Variants in GIMD1 observed in about 807,000 individuals in gnomAD.
GIMD1 encodes the protein GIMAP family P-loop NTPase domain containing 1, also known as GTPase IMAP family member GIMD1.
Under a neutral mutation model 14.9 loss-of-function variants are expected in GIMD1, and 14 were observed. The ratio of observed to expected loss-of-function variants is 0.94; its 90% CI spans 0.62 to 1.47. The LOEUF (loss-of-function observed/expected upper bound fraction) is 1.47, where lower values mean the gene tolerates loss of function less well. Among genes scored for constraint, GIMD1 ranks in the 40% most tolerant of loss-of-function variants. The probability of loss-of-function intolerance (pLI) is 0.00; values close to 1 mark genes in which losing one functional copy is unlikely to be tolerated. For synonymous variants in GIMD1, 91 were observed against 90.5 expected (o/e 1.01, Z -0.03); for missense variants, 272 against 255.3 (o/e 1.07, Z -0.44).
intron 2 of GIMD1, among the ~76,000 whole-genome samples, chr4:106,365,634 G>A (rs1770685988): frequency 6.6e-6 from 1 of 152,038 alleles, no homozygotes; most frequent in African/African-American, 2.4e-5. Flanking sequence ...AAGTTTAACT[G>A]TGGAGCTTCT....
At chr4:106,368,016 T>C (rs1430542419) in intron 1 of GIMD1, among the ~76,000 whole-genome samples, 1 of 152,192 alleles carries the variant, frequency 6.6e-6, no homozygotes, top group Non-Finnish European at 1.5e-5. Flanking sequence ...ATATGAATAA[T>C]GTTAAAGAAG....
At chr4:106,364,785 G>C (rs1220692341) in intron 2 of GIMD1, among the ~76,000 whole-genome samples, 1 of 152,122 alleles carries the variant, frequency 6.6e-6, no homozygotes, top group South Asian at 2.1e-4. Context: ...TGATTTGGAA[G>C]GCATCTGTAA....
intron 2 of GIMD1, among the ~76,000 whole-genome samples, chr4:106,363,887 G>GA (rs1280771083): frequency 7.1e-6 from 1 of 141,134 alleles, no homozygotes; most frequent in Non-Finnish European, 1.5e-5. Flanking sequence ...CCATAATGGG[G>GA]GGGGGGGGGC....
intron 2 of GIMD1, among the ~76,000 whole-genome samples, chr4:106,363,498 C>T (rs1333918360): frequency 6.6e-6 from 1 of 152,032 alleles, no homozygotes; most frequent in Non-Finnish European, 1.5e-5. Context: ...ACAATAAAAA[C>T]AACAATACTA....
In GIMD1 at chr4:106,366,486, C is replaced by T. The variant is rs551330374; in HGVS notation, c.393+557G>A. ...CAAGTCAGTGAATGAGCACCCATTT[C>T]CTGGTGAACTATAAGAGATTGTCCC... On this transcript the variant is annotated intron_variant, in intron 2 of 2. Coordinates refer to ENST00000638719, the MANE Select transcript of GIMD1 (RefSeq NM_001195138.2). Among the ~76,000 whole-genome samples the T allele has an allele frequency of 1.1e-3, 169 of 152,218 alleles. 5 individuals carry two copies. In the South Asian group the frequency reaches 0.03, roughly 27 times the overall value.
intron 2 of GIMD1, among the ~76,000 whole-genome samples, chr4:106,362,380 T>A (rs188886612): frequency 1.4e-3 from 211 of 152,204 alleles, no homozygotes; most frequent in African/African-American, 4.6e-3. Flanking sequence ...GATTGATACC[T>A]CACATAAAAA....
Position 106,358,427 on chromosome 4 carries a change from G to A in GIMD1, c.410C>T (p.Ala137Val). ...AAGAATGGCTGTGTAATTCATCCAA[G>A]CATGTCCAAGAAGTTCCTGAAAGAG... is the stretch of plus-strand genomic sequence containing the variant. ...VQMIQELLGH[A>V]WMNYTAILFT... Residue 137 changes from alanine (A) to valine (V), a missense_variant, in exon 3 of 3, where the codon GCT (alanine) becomes GTT (valine). Ala to Val is a moderately conservative substitution (Grantham distance 64). Transcript: ENST00000638719. 2 of 1,514,242 alleles carry A rather than the reference G, an allele frequency of 1.3e-6. No homozygotes were observed. Among genetic ancestry groups the A allele is most frequent in the South Asian group, 1.3e-5 (1 of 79,690 alleles). The allele number at this position is 1,514,242 out of a possible 1,614,324, so 93.8% of individuals were successfully genotyped here. A position where few individuals can be genotyped will look rare whatever the true frequency, so the allele number is the denominator to read the frequency against.
At chr4:106,360,525 G>C (rs1293794162) in intron 2 of GIMD1, among the ~76,000 whole-genome samples, 2 of 152,000 alleles carry the variant, frequency 1.3e-5, no homozygotes, top group African/African-American at 4.8e-5. Flanking sequence ...AGGAGTCACA[G>C]AGTTGCAAAG....
chr4:106,361,710 A>G (rs903642613), intron 2 of GIMD1, among the ~76,000 whole-genome samples: 1 of 152,022 alleles, frequency 6.6e-6, no homozygotes, highest in African/African-American at 2.4e-5. Flanking sequence ...TCCTAAACTT[A>G]CCCTTAGATA....
chr4:106,359,860 A>C (rs1403868011), intron 2 of GIMD1, among the ~76,000 whole-genome samples: 1 of 151,942 alleles, frequency 6.6e-6, no homozygotes, highest in East Asian at 1.9e-4. Context: ...TTAAAATTAG[A>C]AACATCACAA....
chr4:106,366,946 TA>T (rs1252958231), intron 2 of GIMD1, 96 bp downstream of exon 2: 1 of 332,966 alleles, frequency 3.0e-6, no homozygotes, highest in Non-Finnish European at 4.8e-6. Flanking sequence ...ACTAATAGTA[TA>T]ATAATAATAA....
chr4:106,367,268 G>A lies in GIMD1; in HGVS notation c.168C>T (p.His56=), dbSNP rs1770716962. ...CTAGCCCACCTCGACGCATGAAGCT[G>A]TGGAGGTGACAACTGCGGCCCAGGC... The part of the protein sequence containing the change: ...CCSLGRSCHL[H]SFMRRGGLEV... The change falls in exon 2 of 3, where the codon CAC becomes CAT. Residue 56 remains histidine, a synonymous_variant. Transcript: ENST00000638719. 6.5e-7 allele frequency: 1 copy of A among 1,535,996 alleles called. No homozygotes were observed. The highest frequency in any genetic ancestry group is 1.4e-5 in the African/African-American group (1 of 73,148).
Position 106,367,115 on chromosome 4 carries a change from A to G in GIMD1, c.321T>C (p.Leu107=). 6.5e-7 allele frequency: 1 copy of G among 1,535,524 alleles called. No individual in the cohort carries two copies. Among genetic ancestry groups the G allele is most frequent in the Non-Finnish European group, 8.7e-7 (1 of 1,146,568 alleles). ...AHHFGQGGLH[L]ALLVQRADVP... ...CATCTGCTCTCTGAACCAGGAGTGC[A>G]AGGTGGAGACCCCCTTGCCCGAAGT... The change falls in exon 2 of 3, where the codon CTT becomes CTC. Residue 107 remains leucine, a synonymous_variant. Coordinates refer to ENST00000638719, the MANE Select transcript of GIMD1 (RefSeq NM_001195138.2).
At chr4:106,364,686 G>A (rs980733916) in intron 2 of GIMD1, among the ~76,000 whole-genome samples, 6 of 152,158 alleles carry the variant, frequency 3.9e-5, no homozygotes, top group Non-Finnish European at 8.8e-5. Context: ...CTTGGGAGAC[G>A]GAAGTTATTT....
intron 2 of GIMD1, among the ~76,000 whole-genome samples, chr4:106,358,730 G>A (rs1770571938): frequency 6.6e-6 from 1 of 151,926 alleles, no homozygotes; most frequent in South Asian, 2.1e-4. Context: ...TATTATCATT[G>A]CTGCATAGAT....
At position 106,358,275 on chromosome 4, in the gene GIMD1, C is replaced by A; in HGVS notation, c.562G>T (p.Gly188Ter). 2.0e-6 allele frequency: 3 copies of A among 1,530,364 alleles called. No homozygotes were observed. The highest frequency in any genetic ancestry group is 2.6e-6 in the Non-Finnish European group (3 of 1,143,906). 94.8% of individuals were successfully genotyped at this position (1,530,364 alleles called of 1,614,324 possible). A position where few individuals can be genotyped will look rare whatever the true frequency, so the allele number is the denominator to read the frequency against. Residue 188 changes from glycine (G) to a stop codon, truncating the protein, a stop_gained, in exon 3 of 3, where the codon GGA becomes TGA. Coordinates refer to ENST00000638719, the MANE Select transcript of GIMD1 (RefSeq NM_001195138.2). LOFTEE classifies it high-confidence loss of function. ...ATTCTTTGTTCATTGAGTGATTTTC[C>A]TTTTTTGTACTGGAAAACGTATTTG... ...QHKYVFQYKK[G>*]KSLNEQRMKI...
rs1362815901 is a variant in GIMD1 at position 106,357,608 on chromosome 4, C to G, written c.*575G>C. ...TCACAATCTCCTCCCCAAGGTTAACCACTCTCCCAATTTCCAGCACTTCTA... is the reference window on the plus strand; with the variant it reads ...TCACAATCTCCTCCCCAAGGTTAACGACTCTCCCAATTTCCAGCACTTCTA... On this transcript the variant is annotated 3_prime_UTR_variant, in exon 3 of 3. Transcript: ENST00000638719. 1 of 152,032 alleles carries G rather than the reference C, an allele frequency of 6.6e-6. No individual in the cohort carries two copies. Among genetic ancestry groups the G allele is most frequent in the Non-Finnish European group, 1.5e-5 (1 of 67,992 alleles). 9.4% of individuals were successfully genotyped at this position (152,032 alleles called of 1,614,324 possible).
intron 2 of GIMD1, among the ~76,000 whole-genome samples, chr4:106,365,454 G>C (rs904012846): frequency 6.6e-6 from 1 of 151,196 alleles, no homozygotes; most frequent in Non-Finnish European, 1.5e-5. Flanking sequence ...TATCTGTCAC[G>C]TAGAAGTATC....
At chr4:106,364,709 A>G (rs1160590278) in intron 2 of GIMD1, among the ~76,000 whole-genome samples, 4 of 152,142 alleles carry the variant, frequency 2.6e-5, no homozygotes, top group Admixed American at 2.6e-4. Context: ...TTCAGAAAGA[A>G]ATATTTGGGA....
Sources: allele counts gnomAD v4.1 joint callset (sites outside exome capture counted in the v4.1 genomes callset), GRCh38; gene constraint gnomAD v4.1.1; transcripts MANE v1.5; gene names NCBI Gene and HGNC (gene_info 2026-07-23, HGNC 2026-07-21).